AMPH: variants seen among roughly 807,000 people sequenced by gnomAD.
The protein encoded by AMPH is amphiphysin (Stiff-Mann syndrome with breast cancer 128kD autoantigen).
AMPH carries 49 observed loss-of-function variants against 99.1 expected under a neutral mutation model. That is an observed-to-expected ratio of 0.49 (90% CI 0.39 to 0.63). The LOEUF is 0.63. Among genes scored for constraint, AMPH ranks in the 20% least tolerant of loss-of-function variants. The pLI is 0.00. For missense variants in AMPH, 759 were observed against 863.4 expected, an observed-to-expected ratio of 0.88 and a Z score of 1.52; for synonymous variants, 314 against 317.3, an observed-to-expected ratio of 0.99 and a Z score of 0.11.
chr7:38,416,429 A>T (rs1355292118), intron 17 of AMPH, among the ~76,000 whole-genome samples: 1 of 152,124 alleles, frequency 6.6e-6, no homozygotes, highest in Admixed American at 6.5e-5. Flanking sequence ...TTGGGCATAA[A>T]ATCAATGAAC....
At chr7:38,600,611 C>G (rs1016676770) in intron 1 of AMPH, among the ~76,000 whole-genome samples, 1 of 151,994 alleles carries the variant, frequency 6.6e-6, no homozygotes, top group East Asian at 1.9e-4. Flanking sequence ...AATCTTTGAC[C>G]ATTTTTTACC....
At chr7:38,548,683 C>A (rs1187095721) in intron 1 of AMPH, among the ~76,000 whole-genome samples, 1 of 152,124 alleles carries the variant, frequency 6.6e-6, no homozygotes, top group African/African-American at 2.4e-5. Flanking sequence ...CCGAGCAGGT[C>A]TTCTGGTCCA....
intron 3 of AMPH, among the ~76,000 whole-genome samples, chr7:38,498,409 A>G (rs1789009571): frequency 6.6e-6 from 1 of 152,232 alleles, no homozygotes; most frequent in Non-Finnish European, 1.5e-5. Flanking sequence ...TAAGACTATT[A>G]TTTGCAATTA....
Position 38,394,189 on chromosome 7 carries a change from G to A in AMPH, c.1424C>T (p.Ala475Val), listed in dbSNP as rs747112662. 6.2e-7 allele frequency: 1 copy of A among 1,614,194 alleles called. No individual in the cohort carries two copies. The highest frequency in any genetic ancestry group is 1.1e-5 in the South Asian group (1 of 91,082). Residue 475 changes from alanine (A) to valine (V), a missense_variant, in exon 18 of 21, where the codon GCA (alanine) becomes GTA (valine). By Grantham distance (64) the Ala-to-Val change is moderately conservative. This residue lies in a region of AMPH where 554 missense variants were observed against 575.6 expected (regional missense o/e 0.96). Coordinates refer to ENST00000356264, the MANE Select transcript of AMPH (RefSeq NM_001635.4). ...TGCTGACACCAAGGTTCCAACAGCT[G>A]CATCAGCATCAGCTCCAGGTATGAT... Reference protein sequence around the residue: ...AVIIPGADADAAVGTLVSAAE... With the variant: ...AVIIPGADADVAVGTLVSAAE...
rs556713851 is a variant in AMPH, at chr7:38,587,396, C to T, written c.69+43887G>A. ...AAGAGGTGGTTCCAGGAGAAACTGT[C>T]AGCTTAAACTCCCTGAGTTATCTGT... is the stretch of plus-strand genomic sequence containing the variant. On this transcript the variant is annotated intron_variant, in intron 1 of 20. Coordinates refer to ENST00000356264, the MANE Select transcript of AMPH (RefSeq NM_001635.4). 2.6e-5 allele frequency among the ~76,000 whole-genome samples: 4 copies of T among 152,268 alleles called. No homozygotes were observed. The East Asian group carries it at 7.7e-4, about 29-fold the overall frequency.
intron 14 of AMPH, 118 bp from the exon 15 acceptor site, chr7:38,427,104 A>G (rs1785806912): frequency 2.2e-6 from 2 of 901,730 alleles, no homozygotes; most frequent in African/African-American, 3.3e-5. Flanking sequence ...AAAATAATAC[A>G]AAAGGTTGCT....
intron 7 of AMPH, among the ~76,000 whole-genome samples, chr7:38,470,271 C>T (rs1306642505): frequency 6.6e-6 from 1 of 152,160 alleles, no homozygotes; most frequent in African/African-American, 2.4e-5. Flanking sequence ...GCCACAATTC[C>T]TCAGGCCCAT....
chr7:38,561,609 C>A (rs1370183585), intron 1 of AMPH, among the ~76,000 whole-genome samples: 4 of 152,200 alleles, frequency 2.6e-5, no homozygotes, highest in Admixed American at 1.3e-4. Flanking sequence ...AAAGGTGGAA[C>A]CACTTCCGGT....
At chr7:38,522,251 G>A (rs1000518297) in intron 2 of AMPH, among the ~76,000 whole-genome samples, 1 of 152,142 alleles carries the variant, frequency 6.6e-6, no homozygotes, top group African/African-American at 2.4e-5. Flanking sequence ...TATATTAACT[G>A]TTACCTTTTC....
At chr7:38,607,438 T>C (rs1793472317) in intron 1 of AMPH, among the ~76,000 whole-genome samples, 1 of 152,220 alleles carries the variant, frequency 6.6e-6, no homozygotes, top group Non-Finnish European at 1.5e-5. Flanking sequence ...CATTAATGTA[T>C]AATACATTTT....
intron 1 of AMPH, among the ~76,000 whole-genome samples, chr7:38,537,006 A>G (rs1054205243): frequency 3.3e-5 from 5 of 152,184 alleles, no homozygotes; most frequent in East Asian, 1.9e-4. Flanking sequence ...ATAACTTTCT[A>G]TATTTTCCAC....
At position 38,424,579 on chromosome 7, in the gene AMPH, A is replaced by G. The variant is rs931308135; in HGVS notation, c.1216-2102T>C. ...GAAAAGGAAACAGCAAAGAAACAATAATAGAATACTAGTCAGGAAGTTAAA... is the reference window on the plus strand; with the variant it reads ...GAAAAGGAAACAGCAAAGAAACAATGATAGAATACTAGTCAGGAAGTTAAA... On this transcript the variant is annotated intron_variant, in intron 15 of 20. Transcript: ENST00000356264. Among the ~76,000 whole-genome samples the G allele has an allele frequency of 7.2e-5, 11 of 152,136 alleles. No individual in the cohort carries two copies. In the East Asian group the frequency reaches 2.1e-3, roughly 29 times the overall value.
At chr7:38,444,909 A>AATATAGCAT (rs1267663364) in intron 11 of AMPH, among the ~76,000 whole-genome samples, 6 of 151,790 alleles carry the variant, frequency 4.0e-5, no homozygotes, top group African/African-American at 1.2e-4. Flanking sequence ...GACAATAATC[A>AATATAGCAT]ATATAGCATG....
At position 38,476,984 on chromosome 7, in the gene AMPH, T is replaced by A; in HGVS notation, c.397-15A>T. 6.2e-7 allele frequency: 1 copy of A among 1,609,888 alleles called. No individual in the cohort carries two copies. On this transcript the variant is annotated splice_polypyrimidine_tract_variant and intron_variant, in intron 5 of 20. Coordinates refer to ENST00000356264, the MANE Select transcript of AMPH (RefSeq NM_001635.4). ...GCGATGCGATTCTGTCAACAGGAAA[T>A]GCACTCACTAAGAAAGAAGCATGGA...
intron 9 of AMPH, among the ~76,000 whole-genome samples, chr7:38,463,726 C>T (rs1787545291): frequency 6.6e-6 from 1 of 152,204 alleles, no homozygotes; most frequent in Non-Finnish European, 1.5e-5. Flanking sequence ...ACTCAGGCAT[C>T]TTGAAATGTG....
chr7:38,440,261 A>C (rs950042104), intron 11 of AMPH, among the ~76,000 whole-genome samples: 2 of 152,252 alleles, frequency 1.3e-5, no homozygotes, highest in African/African-American at 4.8e-5. Flanking sequence ...TGAAGCAAAA[A>C]GACAGTGAGG....
At chr7:38,465,656 T>C in intron 8 of AMPH, 107 bp from the exon 9 acceptor site, 1 of 978,350 alleles carries the variant, frequency 1.0e-6, no homozygotes, top group Non-Finnish European at 1.5e-6. Context: ...ATAAATTTTA[T>C]GATAGCTTGG....
At position 38,621,001 on chromosome 7, in the gene AMPH, G is replaced by A. The variant is rs1381791713; in HGVS notation, c.69+10282C>T. ...CTAGTTAAATATCCAAATGAGAGAA[G>A]AGATCATTTATAAGGCCAGTGTCTG... On this transcript the variant is annotated intron_variant, in intron 1 of 20. Transcript: ENST00000356264. 2.0e-5 allele frequency among the ~76,000 whole-genome samples: 3 copies of A among 152,184 alleles called. No homozygotes were observed. In the South Asian group the frequency reaches 6.2e-4, roughly 31 times the overall value.
intron 2 of AMPH, among the ~76,000 whole-genome samples, chr7:38,507,982 T>C (rs751057838): frequency 1.3e-5 from 2 of 152,224 alleles, no homozygotes; most frequent in Admixed American, 6.5e-5. Context: ...CGCTGCAATA[T>C]ATTAATATTA....
Sources: allele counts gnomAD v4.1 joint callset (sites outside exome capture counted in the v4.1 genomes callset), GRCh38; gene constraint gnomAD v4.1.1; regional missense constraint gnomAD v4.1.1; transcripts MANE v1.5; gene names NCBI Gene and HGNC (gene_info 2026-07-23, HGNC 2026-07-21).